IL1RAPL2: variants seen among roughly 807,000 people sequenced by gnomAD.
The protein encoded by IL1RAPL2 is interleukin 1 receptor accessory protein like 2.
In IL1RAPL2, 3 loss-of-function variants were observed where a neutral mutation model predicts 44.1. The ratio of observed to expected loss-of-function variants is 0.07; its 90% confidence interval spans 0.03 to 0.18. IL1RAPL2 has a LOEUF of 0.18. IL1RAPL2 is among the 10% of genes least tolerant of loss of function. The pLI is 1.00. For synonymous variants in IL1RAPL2, 181 were observed against 178.8 expected, an observed-to-expected ratio of 1.01 and a Z score of -0.10; for missense variants, 391 against 496.4, an observed-to-expected ratio of 0.79 and a Z score of 2.02.
intron 2 of IL1RAPL2, among the ~76,000 whole-genome samples, chrX:104,781,796 C>T (rs1309307819): frequency 8.9e-6 from 1 of 112,065 alleles, no homozygotes; most frequent in African/African-American, 3.2e-5. Context: ...AATAGGCAGG[C>T]GTGTGTCTAG....
chrX:104,729,697 C>T (rs1384690576), intron 2 of IL1RAPL2, among the ~76,000 whole-genome samples: 1 of 108,993 alleles, frequency 9.2e-6, no homozygotes, highest in Non-Finnish European at 1.9e-5. Flanking sequence ...TATGTTTTTC[C>T]CCACCATGTG....
intron 5 of IL1RAPL2, among the ~76,000 whole-genome samples, chrX:105,456,257 C>T (rs919446213): frequency 8.9e-6 from 1 of 111,941 alleles, no homozygotes; most frequent in Non-Finnish European, 1.9e-5. Flanking sequence ...AAGACCATGT[C>T]ATCTGCAAAC....
chrX:104,869,392 A>T (rs996573749), intron 2 of IL1RAPL2, among the ~76,000 whole-genome samples: 1 of 111,135 alleles, frequency 9.0e-6, no homozygotes, highest in African/African-American at 3.3e-5. Context: ...TGACATATAA[A>T]ATGTATTATT....
chrX:105,290,937 G>A (rs2034607663), intron 5 of IL1RAPL2, among the ~76,000 whole-genome samples: 1 of 111,537 alleles, frequency 9.0e-6, no homozygotes, highest in Non-Finnish European at 1.9e-5. Context: ...AGGCAAAAAT[G>A]GGTCAAGTGC....
At chrX:105,766,094 G>A (rs1210253446) in intron 10 of IL1RAPL2, among the ~76,000 whole-genome samples, 1 of 112,293 alleles carries the variant, frequency 8.9e-6, no homozygotes, top group Non-Finnish European at 1.9e-5. Context: ...AAATAAATCC[G>A]GAGTTAGTTG....
At chrX:105,177,496 C>T (rs181233204) in intron 2 of IL1RAPL2, among the ~76,000 whole-genome samples, 83 of 111,007 alleles carry the variant, frequency 7.5e-4, no homozygotes, top group African/African-American at 2.7e-3. Context: ...CCCCCAATCC[C>T]TAGAAAAATC....
intron 6 of IL1RAPL2, among the ~76,000 whole-genome samples, chrX:105,660,551 A>T (rs999808314): frequency 1.2e-4 from 13 of 111,617 alleles, no homozygotes; most frequent in African/African-American, 4.2e-4. Context: ...GAAGAAATAA[A>T]AAAATAATAA....
At chrX:104,722,916 C>T (rs898068863) in intron 2 of IL1RAPL2, among the ~76,000 whole-genome samples, 11 of 111,123 alleles carry the variant, frequency 9.9e-5, no homozygotes, top group African/African-American at 2.9e-4. Flanking sequence ...TTGCCAGTAG[C>T]ATTATTTTGA....
chrX:104,722,182 C>T (rs1931691966), intron 2 of IL1RAPL2, among the ~76,000 whole-genome samples: 1 of 111,180 alleles, frequency 9.0e-6, no homozygotes, highest in African/African-American at 3.3e-5. Context: ...CATACAGTCT[C>T]TATTGCAATT....
intron 5 of IL1RAPL2, among the ~76,000 whole-genome samples, chrX:105,317,348 G>T (rs1270680432): frequency 1.8e-5 from 2 of 111,912 alleles, no homozygotes; most frequent in Non-Finnish European, 3.8e-5. Flanking sequence ...TGATCCATTT[G>T]CATGGGGTTT....
At chrX:104,962,684 A>G (rs1199709136) in intron 2 of IL1RAPL2, among the ~76,000 whole-genome samples, 1 of 112,189 alleles carries the variant, frequency 8.9e-6, no homozygotes, top group Non-Finnish European at 1.9e-5. Flanking sequence ...TTCCTGGGAG[A>G]AGACACATCA....
At chrX:104,703,270 A>G (rs1296249447) in intron 2 of IL1RAPL2, among the ~76,000 whole-genome samples, 7 of 110,998 alleles carry the variant, frequency 6.3e-5, no homozygotes, top group African/African-American at 2.3e-4. Context: ...TCCATAGGAC[A>G]CGGGTTTGTG....
intron 2 of IL1RAPL2, among the ~76,000 whole-genome samples, chrX:104,906,340 T>C (rs1924004414): frequency 9.1e-6 from 1 of 110,399 alleles, no homozygotes; most frequent in African/African-American, 3.3e-5. Flanking sequence ...TCCAACACTA[T>C]GTTGAATAGG....
intron 2 of IL1RAPL2, among the ~76,000 whole-genome samples, chrX:104,785,998 A>T (rs1306157004): frequency 8.9e-6 from 1 of 112,394 alleles, no homozygotes; most frequent in East Asian, 2.8e-4. Flanking sequence ...TCACTTTGAC[A>T]TCTGCTCTTC....
At chrX:105,651,774 C>T (rs2037643666) in intron 6 of IL1RAPL2, among the ~76,000 whole-genome samples, 1 of 111,808 alleles carries the variant, frequency 8.9e-6, no homozygotes, top group Non-Finnish European at 1.9e-5. Context: ...TTAATTCTCT[C>T]ACTTTTCAGT....
chrX:105,520,580 T>G (rs2036547851), intron 6 of IL1RAPL2, among the ~76,000 whole-genome samples: 1 of 111,637 alleles, frequency 9.0e-6, no homozygotes, highest in South Asian at 3.7e-4. Flanking sequence ...TGCCATATAT[T>G]TTTTTCTTCT....
At chrX:105,581,560 T>C (rs1444233844) in intron 6 of IL1RAPL2, among the ~76,000 whole-genome samples, 6 of 111,849 alleles carry the variant, frequency 5.4e-5, no homozygotes, top group Non-Finnish European at 9.4e-5. Context: ...GAATATACCA[T>C]AATTTATTTA....
rs1180164669 is a variant in IL1RAPL2, at chrX:104,647,224, G to A, written c.-19-11671G>A. ...CCCACTGGGACAGCTGGAGGAGGCA[G>A]GTAGGTGATGTTCTCAGAGCTGAGA... is the stretch of plus-strand genomic sequence containing the variant. On this transcript the variant is annotated intron_variant, in intron 1 of 10. Coordinates refer to ENST00000372582, the MANE Select transcript of IL1RAPL2 (RefSeq NM_017416.2). 8 of 350,548 alleles carry A rather than the reference G, an allele frequency of 2.3e-5. No homozygotes were observed. In the Admixed American group the frequency reaches 2.7e-4, roughly 12 times the overall value. The allele number at this position is 350,548 out of a possible 1,213,427, so 28.9% of individuals were successfully genotyped here.
rs189192796 is a variant in IL1RAPL2, at chrX:105,230,905, C to G, written c.357-2913C>G. The stretch of plus-strand genomic sequence containing the variant: ...GAAACCACTATATCAGATTGGTCCT[C>G]TACTTTAGTCTACCCTATTTTCTAC... On this transcript the variant is annotated intron_variant, in intron 3 of 10. Transcript: ENST00000372582. 4.4e-3 allele frequency among the ~76,000 whole-genome samples: 487 copies of G among 111,845 alleles called. 1 individual carries two copies. Among genetic ancestry groups the G allele is most frequent in the Middle Eastern group, 0.014 (3 of 214 alleles).
Sources: allele counts gnomAD v4.1 joint callset (sites outside exome capture counted in the v4.1 genomes callset), GRCh38; gene constraint gnomAD v4.1.1; transcripts MANE v1.5; gene names NCBI Gene and HGNC (gene_info 2026-07-23, HGNC 2026-07-21).